Variants in GALNTL6 observed in about 807,000 individuals in gnomAD.
GALNTL6 encodes polypeptide N-acetylgalactosaminyltransferase-like 6.
Under a neutral mutation model 73.7 loss-of-function variants are expected in GALNTL6, and 46 were observed. The observed-to-expected ratio is 0.62, with a 90% CI of 0.49 to 0.80. The LOEUF (loss-of-function observed/expected upper bound fraction) is 0.80, where lower values mean the gene tolerates loss of function less well. Ranked by LOEUF, GALNTL6 falls within the 30% of genes least tolerant of loss-of-function variation. The probability of loss-of-function intolerance (pLI) is 0.00; values close to 1 mark genes in which losing one functional copy is unlikely to be tolerated. For missense variants in GALNTL6, 604 were observed against 755.0 expected, an observed-to-expected ratio of 0.80 and a Z score of 2.34; for synonymous variants, 259 against 263.7, an observed-to-expected ratio of 0.98 and a Z score of 0.17.
intron 2 of GALNTL6, among the ~76,000 whole-genome samples, chr4:172,162,459 TAAAG>T (rs982375416): frequency 5.3e-5 from 8 of 151,768 alleles, no homozygotes; most frequent in Non-Finnish European, 1.0e-4. Context: ...AACTATTAAA[TAAAG>T]AATAAAAGAG....
At chr4:172,629,742 A>G (rs536091303) in intron 5 of GALNTL6, among the ~76,000 whole-genome samples, 11 of 152,286 alleles carry the variant, frequency 7.2e-5, no homozygotes, top group Non-Finnish European at 1.2e-4. Context: ...AGGCTGAGCA[A>G]TGGGAATTCC....
chr4:172,525,092 C>A (rs1471942302), intron 5 of GALNTL6, among the ~76,000 whole-genome samples: 1 of 152,062 alleles, frequency 6.6e-6, no homozygotes, highest in African/African-American at 2.4e-5. Flanking sequence ...TTTCTAAATT[C>A]TTTATTATAT....
intron 5 of GALNTL6, among the ~76,000 whole-genome samples, chr4:172,741,164 C>T (rs796290997): frequency 2.0e-5 from 3 of 152,184 alleles, no homozygotes; most frequent in African/African-American, 7.2e-5. Context: ...TTTGCTCCTC[C>T]TTGGGCTAAA....
At chr4:172,872,876 T>C (rs1210683593) in intron 7 of GALNTL6, among the ~76,000 whole-genome samples, 2 of 152,230 alleles carry the variant, frequency 1.3e-5, no homozygotes, top group Non-Finnish European at 2.9e-5. Context: ...TCTTAAATAT[T>C]CATCCTATTT....
chr4:172,375,403 T>C (rs1742989133), intron 5 of GALNTL6, among the ~76,000 whole-genome samples: 1 of 152,174 alleles, frequency 6.6e-6, no homozygotes, highest in African/African-American at 2.4e-5. Context: ...TGGGTCAAAT[T>C]GGTCCCAATA....
intron 3 of GALNTL6, among the ~76,000 whole-genome samples, chr4:172,264,428 T>C (rs182447659): frequency 5.4e-4 from 80 of 148,170 alleles, no homozygotes; most frequent in African/African-American, 1.9e-3. Context: ...AAAACTAACA[T>C]TTTGGTAACA....
At chr4:172,966,683 C>G (rs867409076) in intron 10 of GALNTL6, among the ~76,000 whole-genome samples, 33 of 152,202 alleles carry the variant, frequency 2.2e-4, no homozygotes, top group Non-Finnish European at 1.2e-4. Flanking sequence ...TGAGCCACCG[C>G]GCCCAGCCCA....
chr4:172,170,043 G>T (rs779800600), intron 2 of GALNTL6, among the ~76,000 whole-genome samples: 1 of 152,200 alleles, frequency 6.6e-6, no homozygotes, highest in Non-Finnish European at 1.5e-5. Context: ...GACTTGGAAT[G>T]CAGGAAGTCA....
chr4:172,844,264 G>A (rs1054634347), intron 7 of GALNTL6, among the ~76,000 whole-genome samples: 3 of 152,172 alleles, frequency 2.0e-5, no homozygotes, highest in African/African-American at 7.2e-5. Flanking sequence ...TCAACTGCGT[G>A]TTACTACAGC....
intron 5 of GALNTL6, among the ~76,000 whole-genome samples, chr4:172,356,182 C>T (rs927236132): frequency 3.9e-5 from 6 of 152,176 alleles, no homozygotes; most frequent in African/African-American, 1.4e-4. Context: ...CAATTCATTT[C>T]ATGGCAGATT....
intron 2 of GALNTL6, among the ~76,000 whole-genome samples, chr4:171,972,963 G>C (rs1281743352): frequency 6.6e-6 from 1 of 152,102 alleles, no homozygotes; most frequent in Non-Finnish European, 1.5e-5. Context: ...GAATAATAAA[G>C]TATATTATGA....
At chr4:172,775,277 G>A (rs1739010334) in intron 5 of GALNTL6, among the ~76,000 whole-genome samples, 1 of 152,086 alleles carries the variant, frequency 6.6e-6, no homozygotes, top group African/African-American at 2.4e-5. Flanking sequence ...CCTTGATGTT[G>A]TTTTAATTTG....
At chr4:172,996,481 C>A (rs762527480) in intron 10 of GALNTL6, among the ~76,000 whole-genome samples, 1 of 152,052 alleles carries the variant, frequency 6.6e-6, no homozygotes, top group Non-Finnish European at 1.5e-5. Context: ...GTACAACAAA[C>A]CCCCATGACA....
chr4:172,840,679 A>G (rs191761443), intron 7 of GALNTL6, among the ~76,000 whole-genome samples: 9 of 152,360 alleles, frequency 5.9e-5, no homozygotes, highest in Admixed American at 3.9e-4. Context: ...AGAAATGCCA[A>G]TGACACACAA....
At chr4:172,158,815 A>C (rs540906201) in intron 2 of GALNTL6, among the ~76,000 whole-genome samples, 2 of 152,328 alleles carry the variant, frequency 1.3e-5, no homozygotes, top group East Asian at 3.9e-4. Context: ...AAAAGCTATG[A>C]AACATAGAAT....
chr4:171,977,424 G>A (rs983341415), intron 2 of GALNTL6, among the ~76,000 whole-genome samples: 6 of 152,164 alleles, frequency 3.9e-5, no homozygotes, highest in Non-Finnish European at 7.3e-5. Context: ...CTGTAGGTTA[G>A]AAGTCCAAGA....
At chr4:172,568,931 T>C (rs1736664507) in intron 5 of GALNTL6, among the ~76,000 whole-genome samples, 1 of 152,018 alleles carries the variant, frequency 6.6e-6, no homozygotes, top group African/African-American at 2.4e-5. Context: ...TTTTAGCTCA[T>C]TATCTACTGT....
At chr4:172,337,638 A>C (rs570677091) in intron 4 of GALNTL6, among the ~76,000 whole-genome samples, 1 of 147,862 alleles carries the variant, frequency 6.8e-6, no homozygotes, top group Admixed American at 6.7e-5. Flanking sequence ...TGTTAACCTG[A>C]CTTTTCTTGT....
chr4:172,720,079 C>T (rs988869543), intron 5 of GALNTL6, among the ~76,000 whole-genome samples: 4 of 151,926 alleles, frequency 2.6e-5, no homozygotes, highest in African/African-American at 9.7e-5. Flanking sequence ...GTCTTTATGA[C>T]CTATATTTTG....
Sources: gnomAD v4.1 joint callset for allele counts (sites outside exome capture counted in the v4.1 genomes callset) on GRCh38, gnomAD v4.1.1 for gene constraint, MANE v1.5 for transcripts, NCBI Gene and HGNC (gene_info 2026-07-23, HGNC 2026-07-21) for gene names.